DZIP1: variants seen among roughly 807,000 people sequenced by gnomAD.
DZIP1 encodes the protein DAZ interacting zinc finger protein 1.
Under a neutral mutation model 107.6 loss-of-function variants are expected in DZIP1, and 97 were observed. That is an observed-to-expected ratio of 0.90 (90% CI 0.77 to 1.07). The LOEUF is 1.07. Among genes scored for constraint, DZIP1 ranks in the 50% least tolerant of loss-of-function variants. The pLI is 0.00. For missense variants in DZIP1, 1,035 were observed against 1,063.6 expected, an observed-to-expected ratio of 0.97 and a Z score of 0.37; for synonymous variants, 390 against 386.4, an observed-to-expected ratio of 1.01 and a Z score of -0.11.
intron 9 of DZIP1, among the ~76,000 whole-genome samples, chr13:95,621,030 C>T (rs1054572588): frequency 6.6e-6 from 1 of 152,206 alleles, no homozygotes; most frequent in Admixed American, 6.5e-5. Flanking sequence ...CGAGTAGACA[C>T]AGCCATGGAG....
At chr13:95,632,819 T>C (rs1173789782) in intron 6 of DZIP1, among the ~76,000 whole-genome samples, 1 of 152,164 alleles carries the variant, frequency 6.6e-6, no homozygotes, top group Non-Finnish European at 1.5e-5. Flanking sequence ...CTCACGTCCC[T>C]TACAGTCAGT....
chr13:95,642,777 T>A (rs1878686185), intron 3 of DZIP1, among the ~76,000 whole-genome samples: 1 of 152,186 alleles, frequency 6.6e-6, no homozygotes, highest in African/African-American at 2.4e-5. Flanking sequence ...TTAAATGAAA[T>A]TTGCAGTTAA....
intron 14 of DZIP1, among the ~76,000 whole-genome samples, chr13:95,605,178 G>T (rs1283140796): frequency 6.6e-6 from 1 of 152,130 alleles, no homozygotes. Flanking sequence ...GACAAAAAGT[G>T]CCACCATACT....
At chr13:95,584,714 A>G in intron 22 of DZIP1, 22 bp downstream of exon 22, 1 of 1,603,758 alleles carries the variant, frequency 6.2e-7, no homozygotes, top group South Asian at 1.1e-5. Flanking sequence ...TCGAGCTTGT[A>G]TTAGAGGGGA....
rs114909579 is a variant in DZIP1, at chr13:95,638,418, A to G, written c.597+2877T>C. On this transcript the variant is annotated intron_variant, in intron 5 of 22. Transcript: ENST00000376829. ...CCTGAGTTAAATCTAAGAGGTGGGT[A>G]TATGGTATGTCTTACATTAGTCTAT... is the stretch of plus-strand genomic sequence containing the variant. Among the ~76,000 whole-genome samples, 1,448 of 152,198 alleles carry G rather than the reference A, an allele frequency of 9.5e-3. 24 individuals are homozygous for G. The highest frequency in any genetic ancestry group is 0.034 in the African/African-American group (1,394 of 41,520).
intron 5 of DZIP1, among the ~76,000 whole-genome samples, chr13:95,636,348 G>A (rs1463010205): frequency 6.6e-6 from 1 of 152,050 alleles, no homozygotes; most frequent in Non-Finnish European, 1.5e-5. Context: ...TTTGAGACCA[G>A]CCTGGCCAAC....
rs376202660 is a variant in DZIP1, at chr13:95,611,442, T to C, written c.1363+3A>G. Reference sequence around the variant, plus strand: ...CGCCAGTACCGGGATCCCATCCACTTACCTTTGGGTTCACTGATACTGTTT... The same window carrying C: ...CGCCAGTACCGGGATCCCATCCACTCACCTTTGGGTTCACTGATACTGTTT... On this transcript the variant is annotated splice_donor_region_variant and intron_variant, in intron 12 of 22. Transcript: ENST00000376829. 1 of 1,613,332 alleles carries C rather than the reference T, an allele frequency of 6.2e-7. No individual in the cohort carries two copies. Among genetic ancestry groups the C allele is most frequent in the Admixed American group, 1.7e-5 (1 of 59,982 alleles).
At chr13:95,589,516 G>A (rs954967004) in intron 18 of DZIP1, among the ~76,000 whole-genome samples, 13 of 152,192 alleles carry the variant, frequency 8.5e-5, no homozygotes, top group African/African-American at 2.9e-4. Flanking sequence ...GAGGTCATGT[G>A]GATGGGGGCC....
chr13:95,590,244 A>G (rs769407440), intron 17 of DZIP1, 35 bp downstream of exon 17: 1 of 1,526,702 alleles, frequency 6.6e-7, no homozygotes, highest in East Asian at 2.3e-5. Flanking sequence ...AAGTTGTTAA[A>G]TTAAGCTCCC....
At chr13:95,624,229 C>T (rs993973537) in intron 8 of DZIP1, among the ~76,000 whole-genome samples, 1 of 152,226 alleles carries the variant, frequency 6.6e-6, no homozygotes, top group African/African-American at 2.4e-5. Context: ...CTTAGAAGGA[C>T]ACTGATTGAT....
chr13:95,614,056 G>T (rs367575678), intron 10 of DZIP1, among the ~76,000 whole-genome samples: 22 of 151,274 alleles, frequency 1.5e-4, no homozygotes, highest in South Asian at 1.0e-3. Context: ...ACCCCAGGAG[G>T]TTGGAGCTGC....
At position 95,643,179 on chromosome 13, in the gene DZIP1, G is replaced by C. The variant is rs1878731802; in HGVS notation, c.-349C>G. ...CAGTGGTTACCACAGAGATCAATAAGCTGAGGAAAAGCCAGACATTCCCCA... is the reference window on the plus strand; with the variant it reads ...CAGTGGTTACCACAGAGATCAATAACCTGAGGAAAAGCCAGACATTCCCCA... On this transcript the variant is annotated 5_prime_UTR_variant, in exon 3 of 23. Transcript: ENST00000376829. 6.6e-6 allele frequency: 1 copy of C among 152,132 alleles called. No individual in the cohort carries two copies. The highest frequency in any genetic ancestry group is 1.5e-5 in the Non-Finnish European group (1 of 68,020). The allele number at this position is 152,132 out of a possible 1,614,324, so 9.4% of individuals were successfully genotyped here.
chr13:95,585,136 T>C (rs1172757829), intron 21 of DZIP1, among the ~76,000 whole-genome samples: 1 of 152,244 alleles, frequency 6.6e-6, no homozygotes, highest in Non-Finnish European at 1.5e-5. Context: ...TGGAAATATA[T>C]GTTTCCTACT....
intron 18 of DZIP1, 121 bp from the exon 19 acceptor site, chr13:95,589,328 A>C (rs1384666978): frequency 1.5e-5 from 11 of 731,582 alleles, no homozygotes; most frequent in Non-Finnish European, 4.5e-6. Flanking sequence ...GAGCAGCAAC[A>C]AAAGTCACCC....
rs560138422 is a variant in DZIP1, at chr13:95,612,798, T to C, written c.1174-621A>G. On this transcript the variant is annotated intron_variant, in intron 10 of 22. Transcript: ENST00000376829. The stretch of plus-strand genomic sequence containing the variant: ...CGGGGTTTCACCATGTTAACCAGGC[T>C]GGTCTCGAAGTCCTGAACTCAGTCG... 3.9e-5 allele frequency among the ~76,000 whole-genome samples: 6 copies of C among 152,300 alleles called. No homozygotes were observed. In the South Asian group the frequency reaches 1.0e-3, roughly 26 times the overall value.
intron 7 of DZIP1, among the ~76,000 whole-genome samples, chr13:95,629,625 A>G (rs1393291358): frequency 2.6e-5 from 4 of 152,130 alleles, no homozygotes; most frequent in Non-Finnish European, 5.9e-5. Context: ...GCCAGCAACC[A>G]AATAAGCAAG....
intron 6 of DZIP1, 85 bp from the exon 7 acceptor site, chr13:95,630,198 C>T (rs534557264): frequency 2.2e-5 from 31 of 1,432,672 alleles, no homozygotes; most frequent in East Asian, 1.0e-4. Flanking sequence ...GTTGATAACA[C>T]GAAGGAAACT....
At chr13:95,642,291 T>G in intron 3 of DZIP1, 50 bp from the exon 4 acceptor site, 1 of 418,716 alleles carries the variant, frequency 2.4e-6, no homozygotes, top group Non-Finnish European at 4.2e-6. Context: ...GACACAGCCG[T>G]TCACCCGAAG....
At chr13:95,642,637 G>A (rs963842782) in intron 3 of DZIP1, among the ~76,000 whole-genome samples, 18 of 152,148 alleles carry the variant, frequency 1.2e-4, no homozygotes, top group African/African-American at 4.1e-4. Context: ...GGAAGCTTTT[G>A]GCATAACAGA....
Sources: gnomAD v4.1 joint callset for allele counts (sites outside exome capture counted in the v4.1 genomes callset) on GRCh38, gnomAD v4.1.1 for gene constraint, MANE v1.5 for transcripts, NCBI Gene and HGNC (gene_info 2026-07-23, HGNC 2026-07-21) for gene names.